CRYAA: variants seen among roughly 807,000 people sequenced by gnomAD.
CRYAA encodes the protein crystallin alpha A, also known as alpha-crystallin A chain.
A neutral mutation model predicts 3.5 loss-of-function variants in CRYAA; 2 were observed. The ratio of observed to expected loss-of-function variants is 0.57; its 90% CI spans 0.23 to 1.80. The LOEUF (loss-of-function observed/expected upper bound fraction) is 1.80, where lower values mean the gene tolerates loss of function less well. Ranked by LOEUF, CRYAA falls within the 40% of genes most tolerant of loss-of-function variation. The pLI is 0.18. For missense variants in CRYAA, 8 were observed against 60.0 expected, an observed-to-expected ratio of 0.13 and a Z score of 2.86; for synonymous variants, 3 against 26.7, an observed-to-expected ratio of 0.11 and a Z score of 2.73.
rs201250819 is a variant in CRYAA, at chr21:43,169,900, A to G, written c.189+612A>G. The G allele has an allele frequency of 1.3e-4, 52 of 398,668 alleles. 2 individuals are homozygous for G. The East Asian group carries it at 1.5e-3, about 12-fold the overall frequency. The allele number at this position is 398,668 out of a possible 1,614,324, so 24.7% of individuals were successfully genotyped here. On this transcript the variant is annotated intron_variant, in intron 1 of 2. Transcript: ENST00000291554. ...GTTCTGGAGGGCCTGAGTCCCACCCAGCACCTCATAAACAGGGTCCTCCCC... is the reference window on the plus strand; with the variant it reads ...GTTCTGGAGGGCCTGAGTCCCACCCGGCACCTCATAAACAGGGTCCTCCCC...
Position 43,169,814 on chromosome 21 carries a change from C to G in CRYAA, c.189+526C>G, listed in dbSNP as rs1568970250. ...CTAAAAGGACAGGCAATGGACGCCC[C>G]CCCCCCCACCCAACCACAGGCCTCC... is the stretch of plus-strand genomic sequence containing the variant. On this transcript the variant is annotated intron_variant, in intron 1 of 2. Transcript: ENST00000291554. 3 of 385,868 alleles carry G rather than the reference C, an allele frequency of 7.8e-6. 1 individual carries two copies. The highest frequency in any genetic ancestry group is 2.9e-5 in the Admixed American group (1 of 33,992). 23.9% of individuals were successfully genotyped at this position (385,868 alleles called of 1,614,324 possible).
At chr21:43,169,865 A>G (rs1422421949) in intron 1 of CRYAA, 2 of 407,402 alleles carry the variant, frequency 4.9e-6, no homozygotes, top group South Asian at 4.1e-5. Context: ...TGAGCGGTGC[A>G]GGTTCTGCTG....
At chr21:43,169,886 C>T in intron 1 of CRYAA, 1 of 410,120 alleles carries the variant, frequency 2.4e-6, no homozygotes, top group Non-Finnish European at 4.6e-6. Context: ...TTCTGGAGGG[C>T]CTGAGTCCCA....
intron 1 of CRYAA, chr21:43,169,651 C>A: frequency 2.2e-6 from 1 of 455,324 alleles, no homozygotes. Context: ...TCTCCTGAGT[C>A]CCGGAGACCT....
At chr21:43,169,805 T>A in intron 1 of CRYAA, 2 of 525,246 alleles carry the variant, frequency 3.8e-6, no homozygotes, top group South Asian at 3.2e-5. Context: ...GGACAGGCAA[T>A]GGACGCCCCC....
rs74315440 is a variant in CRYAA, at chr21:43,169,126, G to C, written c.27G>C (p.Trp9Cys). 1 of 1,045,228 alleles carries C rather than the reference G, an allele frequency of 9.6e-7. No individual in the cohort carries two copies. Among genetic ancestry groups the C allele is most frequent in the East Asian group, 2.3e-5 (1 of 42,862 alleles). 64.7% of individuals were successfully genotyped at this position (1,045,228 alleles called of 1,614,324 possible). MDVTIQHP[W>C]FKRTLGPFYP... ...TGGACGTGACCATCCAGCACCCCTG[G>C]TTCAAGCGCACCCTGGGGCCCTTCT... The change falls in exon 1 of 3, where the codon TGG becomes TGC. Residue 9 changes from tryptophan (W) to cysteine (C), a missense_variant. Trp to Cys is a radical substitution (Grantham distance 215). Transcript: ENST00000291554.
chr21:43,169,034 C>A lies in CRYAA; in HGVS notation c.-66C>A. 1 of 501,022 alleles carries A rather than the reference C, an allele frequency of 2.0e-6. No homozygotes were observed. Among genetic ancestry groups the A allele is most frequent in the Non-Finnish European group, 3.5e-6 (1 of 281,736 alleles). The allele number at this position is 501,022 out of a possible 1,614,324, so 31.0% of individuals were successfully genotyped here. ...GGGAGGGCTCGGCCTTGGCTCCACACTGCGCTGCCCAGAGGCCCCGCTGAC... is the reference window on the plus strand; with the variant it reads ...GGGAGGGCTCGGCCTTGGCTCCACAATGCGCTGCCCAGAGGCCCCGCTGAC... On this transcript the variant is annotated 5_prime_UTR_variant, in exon 1 of 3. The change creates a new upstream start codon in the 5' untranslated region. Transcript: ENST00000291554.
At position 43,169,171 on chromosome 21, in the gene CRYAA, C is replaced by T. The variant is rs1484848856; in HGVS notation, c.72C>T (p.Asp24=). 3.9e-6 allele frequency: 4 copies of T among 1,020,262 alleles called. No homozygotes were observed. Among genetic ancestry groups the T allele is most frequent in the South Asian group, 3.8e-5 (3 of 79,394 alleles). The allele number at this position is 1,020,262 out of a possible 1,614,324, so 63.2% of individuals were successfully genotyped here. Residue 24 remains aspartate (D), a synonymous_variant, in exon 1 of 3, where the codon GAC becomes GAT. Transcript: ENST00000291554. ...CCTTCTACCCCAGCCGGCTGTTCGA[C>T]CAGTTTTTCGGCGAGGGCCTTTTTG... ...LGPFYPSRLF[D]QFFGEGLFEY... is the part of the protein sequence containing the mutation.
chr21:43,169,513 C>T (rs1985743540), intron 1 of CRYAA: 1 of 524,166 alleles, frequency 1.9e-6, no homozygotes, highest in Non-Finnish European at 3.5e-6. Flanking sequence ...CCTGAATCCA[C>T]CTTTGCTTTC....
intron 1 of CRYAA, chr21:43,169,860 G>A (rs534321524): frequency 3.6e-5 from 17 of 466,964 alleles, no homozygotes; most frequent in African/African-American, 3.6e-4. Flanking sequence ...ACGGGTGAGC[G>A]GTGCAGGTTC....
In CRYAA at chr21:43,169,412, C is replaced by T. The variant is rs117331253; in HGVS notation, c.189+124C>T. 8,233 of 575,770 alleles carry T rather than the reference C, an allele frequency of 0.014. 1,636 individuals are homozygous for T. The highest frequency in any genetic ancestry group is 0.018 in the Non-Finnish European group (5,703 of 313,268). 35.7% of individuals were successfully genotyped at this position (575,770 alleles called of 1,614,324 possible). A position where few individuals can be genotyped will look rare whatever the true frequency, so the allele number is the denominator to read the frequency against. On this transcript the variant is annotated intron_variant, in intron 1 of 2. Coordinates refer to ENST00000291554, the MANE Select transcript of CRYAA (RefSeq NM_000394.4). ...AGGTGGCCTCGTCCCACTTCATCCC[C>T]TTGCAGAGGCTGGGCGAGAGCCTGT...
chr21:43,169,653 C>T (rs911626713), intron 1 of CRYAA: 9 of 456,412 alleles, frequency 2.0e-5, no homozygotes, highest in Admixed American at 1.5e-4. Flanking sequence ...TCCTGAGTCC[C>T]GGAGACCTGG....
chr21:43,169,600 G>C, intron 1 of CRYAA: 1 of 419,496 alleles, frequency 2.4e-6, no homozygotes, highest in South Asian at 2.0e-5. Flanking sequence ...AGCCCATCCA[G>C]GCATGCGTGG....
chr21:43,169,544 T>G (rs752258800), intron 1 of CRYAA: 1 of 488,292 alleles, frequency 2.0e-6, no homozygotes, highest in Non-Finnish European at 3.8e-6. Flanking sequence ...TCATGACCCA[T>G]GTGTGCTTTG....
Position 43,172,651 on chromosome 21 carries a change from C to T in CRYAA, c.*371C>T, listed in dbSNP as rs538680993. The T allele has an allele frequency of 1.6e-3, 1 of 620 alleles. No homozygotes were observed. The highest frequency in any genetic ancestry group is 9.8e-3 in the Admixed American group (1 of 102). The allele number at this position is 620 out of a possible 1,614,324, so 0.0% of individuals were successfully genotyped here. A position where few individuals can be genotyped will look rare whatever the true frequency, so the allele number is the denominator to read the frequency against. On this transcript the variant is annotated 3_prime_UTR_variant, in exon 3 of 3. Coordinates refer to ENST00000291554, the MANE Select transcript of CRYAA (RefSeq NM_000394.4). ...CACACCTCCTGGGGCGCGTGAGGCC[C>T]GTGGGGCCGGGGCTTCTGTGCACCT... is the stretch of plus-strand genomic sequence containing the variant.
intron 1 of CRYAA, chr21:43,169,735 C>G (rs1280054297): frequency 3.7e-6 from 2 of 533,582 alleles, no homozygotes; most frequent in Non-Finnish European, 3.6e-6. Flanking sequence ...ATGAGCTCGG[C>G]CTGCCCACGG....
In CRYAA at chr21:43,169,531, A is replaced by G. The variant is rs1601436826; in HGVS notation, c.189+243A>G. The G allele has an allele frequency of 7.9e-6, 4 of 507,188 alleles. No individual in the cohort carries two copies. The East Asian group carries it at 1.1e-4, about 14-fold the overall frequency. The allele number at this position is 507,188 out of a possible 1,614,324, so 31.4% of individuals were successfully genotyped here. A position where few individuals can be genotyped will look rare whatever the true frequency, so the allele number is the denominator to read the frequency against. ...GAATCCACCTTTGCTTTCCTCCATC[A>G]GCTCATGACCCATGTGTGCTTTGTA... On this transcript the variant is annotated intron_variant, in intron 1 of 2. Coordinates refer to ENST00000291554, the MANE Select transcript of CRYAA (RefSeq NM_000394.4).
At position 43,172,777 on chromosome 21, in the gene CRYAA, A is replaced by G. The variant is rs1985813913; in HGVS notation, c.*497A>G. 1 of 9,718 alleles carries G rather than the reference A, an allele frequency of 1.0e-4. No homozygotes were observed. Among genetic ancestry groups the G allele is most frequent in the Admixed American group, 6.9e-4 (1 of 1,448 alleles). 0.6% of individuals were successfully genotyped at this position (9,718 alleles called of 1,614,324 possible). ...CGCCCATGAGAGCGCAGCCCGCGGC[A>G]ATCAATAAACAGCAGGTGATACAAG... On this transcript the variant is annotated 3_prime_UTR_variant, in exon 3 of 3. Coordinates refer to ENST00000291554, the MANE Select transcript of CRYAA (RefSeq NM_000394.4).
chr21:43,169,053 C>G lies in CRYAA; in HGVS notation c.-47C>G. 1 of 849,114 alleles carries G rather than the reference C, an allele frequency of 1.2e-6. No homozygotes were observed. The highest frequency in any genetic ancestry group is 1.7e-6 in the Non-Finnish European group (1 of 573,058). The allele number at this position is 849,114 out of a possible 1,614,324, so 52.6% of individuals were successfully genotyped here. A position where few individuals can be genotyped will look rare whatever the true frequency, so the allele number is the denominator to read the frequency against. On this transcript the variant is annotated 5_prime_UTR_variant, in exon 1 of 3. Transcript: ENST00000291554. Reference sequence around the variant, plus strand: ...TCCACACTGCGCTGCCCAGAGGCCCCGCTGACTCCTGCCAGCCTCCAGGTC... The same window carrying G: ...TCCACACTGCGCTGCCCAGAGGCCCGGCTGACTCCTGCCAGCCTCCAGGTC...
Sources: gnomAD v4.1 joint callset for allele counts on GRCh38, gnomAD v4.1.1 for gene constraint, MANE v1.5 for transcripts, NCBI Gene and HGNC (gene_info 2026-07-23, HGNC 2026-07-21) for gene names.